The following MET variants were observed in gnomAD, a reference collection of about 807,000 sequenced individuals.
The protein encoded by MET is hepatocyte growth factor receptor.
A neutral mutation model predicts 133.1 loss-of-function variants in MET; 48 were observed. The observed-to-expected ratio is 0.36, with a 90% CI of 0.29 to 0.46. MET has a LOEUF of 0.46. Ranked by LOEUF, MET falls within the 20% of genes least tolerant of loss-of-function variation. MET has a pLI of 1.00. For synonymous variants in MET, 628 were observed against 616.5 expected (o/e 1.02, Z -0.28); for missense variants, 1,442 against 1,695.9 (o/e 0.85, Z 2.63).
intron 5 of MET, among the ~76,000 whole-genome samples, chr7:116,753,663 T>C (rs947406252): frequency 1.3e-5 from 2 of 151,982 alleles, no homozygotes; most frequent in African/African-American, 4.8e-5. Flanking sequence ...TTAGGAAAAA[T>C]TGTTACAATA....
At chr7:116,748,814 A>G (rs1455751731) in intron 5 of MET, among the ~76,000 whole-genome samples, 2 of 152,226 alleles carry the variant, frequency 1.3e-5, no homozygotes, top group Non-Finnish European at 2.9e-5. Flanking sequence ...ACCATCAGAG[A>G]ATACTATAAA....
chr7:116,751,814 C>G (rs1793931493), intron 5 of MET, among the ~76,000 whole-genome samples: 1 of 152,110 alleles, frequency 6.6e-6, no homozygotes, highest in African/African-American at 2.4e-5. Flanking sequence ...GTAATCCCAG[C>G]ACTTTGGGAG....
At chr7:116,694,409 C>T (rs1408691505) in intron 1 of MET, among the ~76,000 whole-genome samples, 1 of 152,024 alleles carries the variant, frequency 6.6e-6, no homozygotes, top group Admixed American at 6.6e-5. Context: ...ATGGCATCAC[C>T]ATATGGTAAC....
At chr7:116,793,170 G>A (rs893207545) in intron 19 of MET, among the ~76,000 whole-genome samples, 2 of 148,444 alleles carry the variant, frequency 1.3e-5, no homozygotes, top group African/African-American at 2.5e-5. Flanking sequence ...TCAGTCTAAC[G>A]CACTTTCTTT....
At chr7:116,675,650 C>T (rs531569840) in intron 1 of MET, among the ~76,000 whole-genome samples, 7 of 152,230 alleles carry the variant, frequency 4.6e-5, no homozygotes, top group Admixed American at 2.0e-4. Flanking sequence ...AAACATTTTC[C>T]ATGGAGGCAT....
At chr7:116,704,014 G>C (rs1791677547) in intron 2 of MET, among the ~76,000 whole-genome samples, 1 of 152,046 alleles carries the variant, frequency 6.6e-6, no homozygotes, top group Admixed American at 6.6e-5. Context: ...CCAACATCTT[G>C]ATGACCTTAA....
intron 2 of MET, among the ~76,000 whole-genome samples, chr7:116,707,671 G>A (rs962231860): frequency 6.6e-6 from 1 of 152,146 alleles, no homozygotes; most frequent in African/African-American, 2.4e-5. Flanking sequence ...GTGAAGTCAT[G>A]CTCAGGAAAT....
intron 2 of MET, among the ~76,000 whole-genome samples, chr7:116,707,199 ATG>A (rs1791830081): frequency 6.6e-6 from 1 of 152,090 alleles, no homozygotes; most frequent in African/African-American, 2.4e-5. Context: ...TAGCAATTGC[ATG>A]CTAATTTAGA....
intron 5 of MET, among the ~76,000 whole-genome samples, chr7:116,742,514 CACA>C (rs1313512551): frequency 1.3e-5 from 2 of 152,170 alleles, no homozygotes; most frequent in Non-Finnish European, 2.9e-5. Context: ...GCAATTAAAT[CACA>C]ACAATTTCAT....
chr7:116,749,043 C>G (rs780550641), intron 5 of MET, among the ~76,000 whole-genome samples: 58 of 152,178 alleles, frequency 3.8e-4, no homozygotes, highest in Admixed American at 7.2e-4. Context: ...GGAGCTGGTA[C>G]CATTCCTTCT....
intron 9 of MET, 95 bp downstream of exon 9, chr7:116,758,715 C>T (rs921579402): frequency 1.6e-6 from 2 of 1,233,868 alleles, no homozygotes; most frequent in East Asian, 2.4e-5. Context: ...TTATCTCTGG[C>T]TTTGATGCTG....
chr7:116,689,174 C>T (rs922853141), intron 1 of MET, among the ~76,000 whole-genome samples: 12 of 152,294 alleles, frequency 7.9e-5, no homozygotes, highest in African/African-American at 2.6e-4. Context: ...TCTTTACTCC[C>T]TTTCATATAG....
At chr7:116,751,977 C>T (rs990887610) in intron 5 of MET, among the ~76,000 whole-genome samples, 5 of 152,176 alleles carry the variant, frequency 3.3e-5, no homozygotes, top group South Asian at 2.1e-4. Flanking sequence ...AGGAGAATGG[C>T]GTGAACCTGG....
chr7:116,786,148 G>A (rs913325524), intron 19 of MET, among the ~76,000 whole-genome samples: 3 of 152,174 alleles, frequency 2.0e-5, no homozygotes, highest in East Asian at 1.9e-4. Context: ...GCCTATAGAT[G>A]GCCACCTTCT....
chr7:116,712,891 T>C (rs1792051671), intron 2 of MET, among the ~76,000 whole-genome samples: 1 of 152,234 alleles, frequency 6.6e-6, no homozygotes, highest in Non-Finnish European at 1.5e-5. Flanking sequence ...ATACTTTCTC[T>C]GCTCCCGTAA....
At chr7:116,706,151 T>C (rs991267818) in intron 2 of MET, among the ~76,000 whole-genome samples, 2 of 152,166 alleles carry the variant, frequency 1.3e-5, no homozygotes, top group African/African-American at 4.8e-5. Flanking sequence ...TACCCGTGGG[T>C]TATATTAATT....
At chr7:116,709,934 A>T (rs1331747904) in intron 2 of MET, among the ~76,000 whole-genome samples, 1 of 152,230 alleles carries the variant, frequency 6.6e-6, no homozygotes, top group Non-Finnish European at 1.5e-5. Flanking sequence ...TTAAATGAAT[A>T]AAGAAGAGGA....
At chr7:116,724,864 G>C in intron 2 of MET, 1 of 1,285,532 alleles carries the variant, frequency 7.8e-7, no homozygotes. Flanking sequence ...TGAACACTCA[G>C]TGCCTCAGTT....
chr7:116,773,326 G>A (rs894239676), intron 14 of MET, among the ~76,000 whole-genome samples: 9 of 152,092 alleles, frequency 5.9e-5, no homozygotes, highest in East Asian at 1.9e-4. Context: ...ACTTTTTCAC[G>A]GAGACCTAGA....
Sources: gnomAD v4.1 joint callset for allele counts (sites outside exome capture counted in the v4.1 genomes callset) on GRCh38, gnomAD v4.1.1 for gene constraint, MANE v1.5 for transcripts, NCBI Gene and HGNC (gene_info 2026-07-23, HGNC 2026-07-21) for gene names.